Variants in PDCD1LG2 observed in about 807,000 individuals in gnomAD.
PDCD1LG2 encodes B7 dendritic cell molecule.
A neutral mutation model predicts 28.2 loss-of-function variants in PDCD1LG2; 32 were observed. The observed-to-expected ratio is 1.13, with a 90% CI of 0.86 to 1.52. PDCD1LG2 has a LOEUF of 1.52. PDCD1LG2 is among the 40% of genes most tolerant of loss of function. The pLI, the probability that PDCD1LG2 is intolerant of heterozygous loss-of-function variation, is 0.00. For missense variants in PDCD1LG2, 385 were observed against 323.8 expected, an observed-to-expected ratio of 1.19 and a Z score of -1.45; for synonymous variants, 116 against 120.2, an observed-to-expected ratio of 0.97 and a Z score of 0.23.
At chr9:5,547,254 G>C (rs1816229889) in intron 3 of PDCD1LG2, among the ~76,000 whole-genome samples, 1 of 152,158 alleles carries the variant, frequency 6.6e-6, no homozygotes. Flanking sequence ...GGAGAAAAAA[G>C]TTGTATCACA....
chr9:5,548,141 T>G, intron 3 of PDCD1LG2, among the ~76,000 whole-genome samples: 1 of 152,164 alleles, frequency 6.6e-6, no homozygotes, highest in Non-Finnish European at 1.5e-5. Context: ...TTTCCTCTAC[T>G]CTGAGACTGA....
At chr9:5,534,456 T>C (rs1299511587) in intron 2 of PDCD1LG2, among the ~76,000 whole-genome samples, 1 of 152,178 alleles carries the variant, frequency 6.6e-6, no homozygotes, top group Non-Finnish European at 1.5e-5. Flanking sequence ...GAGCAAGCAG[T>C]GCTGTCCACC....
At chr9:5,512,487 C>A (rs528795047) in intron 1 of PDCD1LG2, among the ~76,000 whole-genome samples, 1 of 152,294 alleles carries the variant, frequency 6.6e-6, no homozygotes, top group Non-Finnish European at 1.5e-5. Context: ...CCTGGGGGAG[C>A]TTCTGATGCT....
intron 1 of PDCD1LG2, among the ~76,000 whole-genome samples, chr9:5,513,880 C>T (rs913509998): frequency 6.6e-5 from 10 of 152,208 alleles, no homozygotes; most frequent in African/African-American, 2.4e-4. Context: ...TGCCCAAAGG[C>T]ATTCAAATTC....
Position 5,570,093 on chromosome 9 carries a change from A to C in PDCD1LG2, c.*134A>C. 5 of 1,111,940 alleles carry C rather than the reference A, an allele frequency of 4.5e-6. No homozygotes were observed. The South Asian group carries it at 6.4e-5, about 14-fold the overall frequency. The allele number at this position is 1,111,940 out of a possible 1,614,324, so 68.9% of individuals were successfully genotyped here. On this transcript the variant is annotated 3_prime_UTR_variant, in exon 7 of 7. Coordinates refer to ENST00000397747, the MANE Select transcript of PDCD1LG2 (RefSeq NM_025239.4). ...TGCCTTTGGATGACCCAGCACTTTA[A>C]TCTGAAACCTGCAACAAGACTAGCC...
At chr9:5,518,215 T>G (rs1277698979) in intron 1 of PDCD1LG2, among the ~76,000 whole-genome samples, 4 of 152,252 alleles carry the variant, frequency 2.6e-5, no homozygotes, top group African/African-American at 9.6e-5. Context: ...ATGTGTCTGA[T>G]TTTAGAGCCT....
chr9:5,532,470 T>C (rs1820501764), intron 2 of PDCD1LG2, among the ~76,000 whole-genome samples: 1 of 152,218 alleles, frequency 6.6e-6, no homozygotes, highest in African/African-American at 2.4e-5. Context: ...GGTGAATATA[T>C]AACCAGGGTC....
chr9:5,532,929 A>G (rs1391971551), intron 2 of PDCD1LG2, among the ~76,000 whole-genome samples: 1 of 152,182 alleles, frequency 6.6e-6, no homozygotes, highest in East Asian at 1.9e-4. Context: ...CTCATTTTAT[A>G]GATAAAGAGG....
rs147555183 is a variant in PDCD1LG2, at chr9:5,570,516, A to T, written c.*557A>T. 391 of 233,360 alleles carry T rather than the reference A, an allele frequency of 1.7e-3. 3 individuals are homozygous for T. The highest frequency in any genetic ancestry group is 8.1e-3 in the African/African-American group (367 of 45,476). The allele number at this position is 233,360 out of a possible 1,614,324, so 14.5% of individuals were successfully genotyped here. On this transcript the variant is annotated 3_prime_UTR_variant, in exon 7 of 7. Coordinates refer to ENST00000397747, the MANE Select transcript of PDCD1LG2 (RefSeq NM_025239.4). Reference sequence around the variant, plus strand: ...TTGATAGCATAATGAAGTTGTTCTAATTAACAGAGAGCATTTAAATATACA... The same window carrying T: ...TTGATAGCATAATGAAGTTGTTCTATTTAACAGAGAGCATTTAAATATACA...
rs114667484 is a variant in PDCD1LG2 at position 5,570,463 on chromosome 9, T to C, written c.*504T>C. 3.5e-3 allele frequency: 820 copies of C among 234,268 alleles called. 5 individuals carry two copies. The highest frequency in any genetic ancestry group is 0.013 in the African/African-American group (583 of 45,474). 14.5% of individuals were successfully genotyped at this position (234,268 alleles called of 1,614,324 possible). A position where few individuals can be genotyped will look rare whatever the true frequency, so the allele number is the denominator to read the frequency against. On this transcript the variant is annotated 3_prime_UTR_variant, in exon 7 of 7. Coordinates refer to ENST00000397747, the MANE Select transcript of PDCD1LG2 (RefSeq NM_025239.4). ...GGCTTCGCACAAACTCAAATCATAA[T>C]TGACATGTTTTATGGATTACTGGAA...
chr9:5,565,578 A>T (rs778825652), intron 6 of PDCD1LG2, among the ~76,000 whole-genome samples: 26 of 151,658 alleles, frequency 1.7e-4, no homozygotes, highest in Non-Finnish European at 3.1e-4. Flanking sequence ...AATCTATACC[A>T]CTCTTAAGCA....
Position 5,557,752 on chromosome 9 carries a change from G to T in PDCD1LG2, c.766G>T (p.Asp256Tyr). 1 of 1,613,918 alleles carries T rather than the reference G, an allele frequency of 6.2e-7. No individual in the cohort carries two copies. The highest frequency in any genetic ancestry group is 8.5e-7 in the Non-Finnish European group (1 of 1,179,840). The part of the protein sequence containing the change: ...QLCQKLYSSK[D>Y]TTKRPVTTTK... ...CTGTCAAAAGCTGTATTCTTCAAAAGGTAAGTGAGTTTTATTCATGGTAAC... is the reference window on the plus strand; with the variant it reads ...CTGTCAAAAGCTGTATTCTTCAAAATGTAAGTGAGTTTTATTCATGGTAAC... Residue 256 changes from aspartate (D) to tyrosine (Y), a missense_variant and splice_region_variant, in exon 5 of 7, where the codon GAC (aspartate) becomes TAC (tyrosine). Transcript: ENST00000397747.
At chr9:5,545,602 G>A (rs1036137276) in intron 3 of PDCD1LG2, among the ~76,000 whole-genome samples, 1 of 152,202 alleles carries the variant, frequency 6.6e-6, no homozygotes, top group South Asian at 2.1e-4. Context: ...CTAAATGTGT[G>A]TCCATTTAAC....
At chr9:5,566,569 T>C (rs908458239) in intron 6 of PDCD1LG2, among the ~76,000 whole-genome samples, 5 of 152,216 alleles carry the variant, frequency 3.3e-5, no homozygotes, top group African/African-American at 1.2e-4. Flanking sequence ...TAGGTAGTAA[T>C]TGCTCCATCA....
chr9:5,510,868 G>C (rs952162659), intron 1 of PDCD1LG2, 65 bp downstream of exon 1: 2 of 152,612 alleles, frequency 1.3e-5, no homozygotes, highest in African/African-American at 2.4e-5. Flanking sequence ...GAGGCTGCCA[G>C]GGTGGGGGAA....
At chr9:5,512,065 G>C (rs1035707172) in intron 1 of PDCD1LG2, among the ~76,000 whole-genome samples, 1 of 152,180 alleles carries the variant, frequency 6.6e-6, no homozygotes, top group African/African-American at 2.4e-5. Flanking sequence ...AAAGGAGATG[G>C]TAGAGACAGT....
intron 5 of PDCD1LG2, among the ~76,000 whole-genome samples, chr9:5,560,448 C>T (rs2129934702): frequency 6.6e-6 from 1 of 152,298 alleles, no homozygotes; most frequent in African/African-American, 2.4e-5. Flanking sequence ...GCAAAGGTAA[C>T]CTTGCTGGTT....
rs1203209354 is a variant in PDCD1LG2 at position 5,535,623 on chromosome 9, G to A, written c.361+573G>A. On this transcript the variant is annotated intron_variant, in intron 3 of 6. Coordinates refer to ENST00000397747, the MANE Select transcript of PDCD1LG2 (RefSeq NM_025239.4). ...ACGTGTGTGTGTGTGTGCGTGTTGG[G>A]TCATGGTATAAATTTTTTTTTTCTT... Among the ~76,000 whole-genome samples, 3 of 152,006 alleles carry A rather than the reference G, an allele frequency of 2.0e-5. No individual in the cohort carries two copies. The East Asian group carries it at 5.8e-4, about 29-fold the overall frequency.
intron 2 of PDCD1LG2, among the ~76,000 whole-genome samples, chr9:5,525,912 T>C (rs1210983998): frequency 6.6e-6 from 1 of 152,018 alleles, no homozygotes; most frequent in Admixed American, 6.5e-5. Context: ...CTGGGCATGG[T>C]GGCACAAGCC....
Sources: allele counts gnomAD v4.1 joint callset (sites outside exome capture counted in the v4.1 genomes callset), GRCh38; gene constraint gnomAD v4.1.1; transcripts MANE v1.5; gene names NCBI Gene and HGNC (gene_info 2026-07-23, HGNC 2026-07-21).